MALRD1: variants seen among roughly 807,000 people sequenced by gnomAD.
MALRD1 encodes the protein MAM and LDL receptor class A domain containing 1, also known as MAM and LDL-receptor class A domain-containing protein 1.
Under a neutral mutation model 242.1 loss-of-function variants are expected in MALRD1, and 247 were observed. The ratio of observed to expected loss-of-function variants is 1.02; its 90% CI spans 0.92 to 1.13. MALRD1 has a LOEUF of 1.13. MALRD1 is among the 50% of genes most tolerant of loss of function. The pLI, the probability that MALRD1 is intolerant of heterozygous loss-of-function variation, is 0.00. For missense variants in MALRD1, 2,989 were observed against 2,533.1 expected (o/e 1.18, Z -3.86); for synonymous variants, 995 against 866.6 (o/e 1.15, Z -2.60).
intron 21 of MALRD1, among the ~76,000 whole-genome samples, chr10:19,322,744 CCT>C (rs1416933217): frequency 1.3e-5 from 2 of 152,142 alleles, no homozygotes; most frequent in Non-Finnish European, 2.9e-5. Context: ...ACTACTTCCA[CCT>C]CTCTTTCCAT....
In MALRD1 at chr10:19,494,998, A is replaced by G. The variant is rs576911764; in HGVS notation, c.5158+3353A>G. ...CATCACTTTTTTTTTTTTTTGTAAGACAGAGTCTTGCTTTGTCACCCAGGT... is the reference window on the plus strand; with the variant it reads ...CATCACTTTTTTTTTTTTTTGTAAGGCAGAGTCTTGCTTTGTCACCCAGGT... On this transcript the variant is annotated intron_variant, in intron 30 of 39. Transcript: ENST00000454679. Among the ~76,000 whole-genome samples the G allele has an allele frequency of 1.1e-4, 16 of 150,804 alleles. No individual in the cohort carries two copies. The South Asian group carries it at 2.7e-3, about 26-fold the overall frequency.
Position 19,589,335 on chromosome 10 carries a change from G to C in MALRD1, c.5681-5859G>C, listed in dbSNP as rs117379499. 2.5e-3 allele frequency among the ~76,000 whole-genome samples: 373 copies of C among 152,178 alleles called. 6 individuals are homozygous for C. The East Asian group carries it at 0.054, about 22-fold the overall frequency. ...TATATAGCTGTGACTCCACACCCTT[G>C]TTCCTTACTGAAGGAAGCATATTTG... is the stretch of plus-strand genomic sequence containing the variant. On this transcript the variant is annotated intron_variant, in intron 33 of 39. Transcript: ENST00000454679.
At chr10:19,113,411 C>T (rs1836751734) in intron 5 of MALRD1, among the ~76,000 whole-genome samples, 1 of 152,068 alleles carries the variant, frequency 6.6e-6, no homozygotes, top group Non-Finnish European at 1.5e-5. Flanking sequence ...TTTTCCTCTG[C>T]CCGAAAGCCT....
chr10:19,115,102 A>G (rs73591914), intron 5 of MALRD1, among the ~76,000 whole-genome samples: 11,090 of 152,272 alleles, frequency 0.073, 472 homozygotes, highest in South Asian at 0.13. Flanking sequence ...ACCAAGTTCC[A>G]GACAACTAGA....
intron 12 of MALRD1, among the ~76,000 whole-genome samples, chr10:19,164,147 G>A (rs1308816007): frequency 1.3e-5 from 2 of 152,088 alleles, no homozygotes; most frequent in Non-Finnish European, 2.9e-5. Context: ...GTGAATTAAG[G>A]TAAGCACAGT....
At chr10:19,566,298 ATTTTTTTTTT>A (rs10548629) in intron 32 of MALRD1, among the ~76,000 whole-genome samples, 6 of 111,054 alleles carry the variant, frequency 5.4e-5, no homozygotes, top group South Asian at 3.2e-4. Context: ...TGCCTGGCTA[ATTTTTTTTTT>A]TTTTTTTTTT....
At chr10:19,303,765 G>T (rs1182014475) in intron 21 of MALRD1, among the ~76,000 whole-genome samples, 1 of 151,658 alleles carries the variant, frequency 6.6e-6, no homozygotes, top group Non-Finnish European at 1.5e-5. Context: ...TCAAAATCCA[G>T]TGTGAATATT....
chr10:19,658,032 C>A (rs1201355996), intron 36 of MALRD1, among the ~76,000 whole-genome samples: 1 of 151,966 alleles, frequency 6.6e-6, no homozygotes, highest in Non-Finnish European at 1.5e-5. Context: ...CCTGTAATCC[C>A]AGCTACTCAG....
chr10:19,620,167 A>C (rs1286090638), intron 36 of MALRD1, among the ~76,000 whole-genome samples: 2 of 151,992 alleles, frequency 1.3e-5, no homozygotes, highest in Admixed American at 1.3e-4. Flanking sequence ...GTACATTTAA[A>C]ATTTTTTTTA....
intron 29 of MALRD1, among the ~76,000 whole-genome samples, chr10:19,482,053 A>G (rs1351097107): frequency 6.6e-6 from 1 of 151,936 alleles, no homozygotes; most frequent in African/African-American, 2.4e-5. Context: ...GCATCACTAG[A>G]TGTAAACACA....
At chr10:19,257,581 A>T (rs1839571764) in intron 18 of MALRD1, 103 bp from the exon 19 acceptor site, 1 of 890,896 alleles carries the variant, frequency 1.1e-6, no homozygotes, top group African/African-American at 1.7e-5. Flanking sequence ...ACAGAAGGTT[A>T]TATTTGGGTA....
At chr10:19,401,050 G>C (rs1352597562) in intron 28 of MALRD1, among the ~76,000 whole-genome samples, 2 of 151,926 alleles carry the variant, frequency 1.3e-5, no homozygotes, top group Non-Finnish European at 2.9e-5. Context: ...GAAGAAGAAA[G>C]AAAGGAGAAC....
intron 29 of MALRD1, among the ~76,000 whole-genome samples, chr10:19,474,314 G>A (rs1301032416): frequency 6.6e-6 from 1 of 152,196 alleles, no homozygotes; most frequent in South Asian, 2.1e-4. Flanking sequence ...TACATATACA[G>A]TTATAAATAT....
chr10:19,423,370 A>G (rs1833784986), intron 28 of MALRD1, among the ~76,000 whole-genome samples: 1 of 152,012 alleles, frequency 6.6e-6, no homozygotes, highest in Non-Finnish European at 1.5e-5. Flanking sequence ...CTATTTCCCC[A>G]ATAATTAAGA....
intron 11 of MALRD1, among the ~76,000 whole-genome samples, chr10:19,148,765 G>A (rs1833812125): frequency 1.2e-5 from 1 of 86,490 alleles, no homozygotes; most frequent in Non-Finnish European, 2.2e-5. Context: ...ATTTTAGAAA[G>A]GGCCAATTAA....
rs78076387 is a variant in MALRD1, at chr10:19,128,279, G to A, written c.1002G>A (p.Arg334=). 0.07 allele frequency: 86,412 copies of A among 1,233,156 alleles called. 3,356 individuals are homozygous for A. The highest frequency in any genetic ancestry group is 0.13 in the African/African-American group (8,184 of 64,546). 76.4% of individuals were successfully genotyped at this position (1,233,156 alleles called of 1,614,324 possible). A position where few individuals can be genotyped will look rare whatever the true frequency, so the allele number is the denominator to read the frequency against. The change falls in exon 8 of 40, where the codon AGG becomes AGA. Residue 334 remains arginine, a synonymous_variant. Coordinates refer to ENST00000454679, the MANE Select transcript of MALRD1 (RefSeq NM_001142308.3). ...TCACTCTTAACCATTTAGACAGCAGGGCTTACCTAAATAGCTCTGTGTGTC... is the reference window on the plus strand; with the variant it reads ...TCACTCTTAACCATTTAGACAGCAGAGCTTACCTAAATAGCTCTGTGTGTC... ...HGFTLNHLDS[R]AYLNSSVCHC...
intron 26 of MALRD1, among the ~76,000 whole-genome samples, chr10:19,385,259 G>A (rs999673305): frequency 6.6e-6 from 1 of 151,938 alleles, no homozygotes; most frequent in African/African-American, 2.4e-5. Context: ...TGGTATTGAG[G>A]TAATAAAATG....
chr10:19,595,365 A>T lies in MALRD1; in HGVS notation c.5852A>T (p.Glu1951Val). Residue 1951 changes from glutamate to valine, a missense_variant, in exon 34 of 40, where the codon GAG becomes GTG. Physicochemically the swap from Glu to Val is moderately radical, Grantham distance 121 (BLOSUM62 -2). Coordinates refer to ENST00000454679, the MANE Select transcript of MALRD1 (RefSeq NM_001142308.3). ...ACCCCTCCACTCTGTAGTAACATGG[A>T]GTTCCCGTGCTCTACAGACGAGTGT... ...SPTPPLCSNM[E>V]FPCSTDECIP... is the part of the protein sequence containing the mutation. 1 of 1,550,656 alleles carries T rather than the reference A, an allele frequency of 6.4e-7. No individual in the cohort carries two copies. The highest frequency in any genetic ancestry group is 8.7e-7 in the Non-Finnish European group (1 of 1,146,972).
In MALRD1 at chr10:19,719,818, T is replaced by G. The variant is rs142056110; in HGVS notation, c.6315-10888T>G. 5.6e-3 allele frequency among the ~76,000 whole-genome samples: 859 copies of G among 152,114 alleles called. 13 individuals are homozygous for G. The highest frequency in any genetic ancestry group is 0.019 in the African/African-American group (776 of 41,424). ...TTTTCAAATTGGCTTCTTTTCTTTCTTCCTTTTCCTCCAGATTGTTTATTT... is the reference window on the plus strand; with the variant it reads ...TTTTCAAATTGGCTTCTTTTCTTTCGTCCTTTTCCTCCAGATTGTTTATTT... On this transcript the variant is annotated intron_variant, in intron 38 of 39. Coordinates refer to ENST00000454679, the MANE Select transcript of MALRD1 (RefSeq NM_001142308.3).
Sources: allele counts gnomAD v4.1 joint callset (sites outside exome capture counted in the v4.1 genomes callset), GRCh38; gene constraint gnomAD v4.1.1; transcripts MANE v1.5; gene names NCBI Gene and HGNC (gene_info 2026-07-23, HGNC 2026-07-21).